LCOR: variants seen among roughly 807,000 people sequenced by gnomAD.
LCOR encodes the protein ligand dependent nuclear receptor corepressor, also known as ligand-dependent corepressor.
A neutral mutation model predicts 64.4 loss-of-function variants in LCOR; 14 were observed. The observed-to-expected ratio is 0.22, with a 90% CI of 0.14 to 0.34. The LOEUF (loss-of-function observed/expected upper bound fraction) is 0.34, where lower values mean the gene tolerates loss of function less well. LCOR is among the 10% of genes least tolerant of loss of function. LCOR has a pLI of 1.00. For missense variants in LCOR, 1,686 were observed against 1,765.3 expected (o/e 0.96, Z 0.80); for synonymous variants, 643 against 642.5 (o/e 1.00, Z -0.01).
intron 4 of LCOR, among the ~76,000 whole-genome samples, chr10:96,942,662 T>C (rs1847514783): frequency 6.6e-6 from 1 of 152,212 alleles, no homozygotes; most frequent in South Asian, 2.1e-4. Context: ...TTGGTTGTGC[T>C]TTTAACATAA....
At chr10:96,901,631 T>A (rs995431323) in intron 2 of LCOR, among the ~76,000 whole-genome samples, 1 of 152,220 alleles carries the variant, frequency 6.6e-6, no homozygotes, top group Non-Finnish European at 1.5e-5. Context: ...TTTCTTGCTC[T>A]AAAAATCCTA....
At chr10:96,930,641 C>T (rs184777493) in intron 4 of LCOR, among the ~76,000 whole-genome samples, 7 of 152,260 alleles carry the variant, frequency 4.6e-5, no homozygotes, top group Admixed American at 3.3e-4. Flanking sequence ...TGGAGAAAAG[C>T]GTAGAGTAAA....
chr10:96,953,448 G>A (rs1345253278), intron 7 of LCOR, among the ~76,000 whole-genome samples: 1 of 152,142 alleles, frequency 6.6e-6, no homozygotes, highest in African/African-American at 2.4e-5. Context: ...CTACTAAGGA[G>A]GCTGAGGTGG....
At position 96,955,838 on chromosome 10, in the gene LCOR, G is replaced by T. The variant is rs766563441; in HGVS notation, c.332+3642G>T. The stretch of plus-strand genomic sequence containing the variant: ...AGAAAAAGATGAAATTAATGAGGTC[G>T]GAGGGGCCAGATGTTTCTGTAAAGA... On this transcript the variant is annotated intron_variant, in intron 7 of 7. Coordinates refer to ENST00000421806, the MANE Select transcript of LCOR (RefSeq NM_001346516.2). 6 of 1,614,170 alleles carry T rather than the reference G, an allele frequency of 3.7e-6. No individual in the cohort carries two copies. In the South Asian group the frequency reaches 6.6e-5, roughly 18 times the overall value.
chr10:96,882,337 A>G (rs1422425430), intron 2 of LCOR, among the ~76,000 whole-genome samples: 2 of 152,240 alleles, frequency 1.3e-5, no homozygotes, highest in African/African-American at 4.8e-5. Context: ...AGGTTGTTGG[A>G]AAATATTAAA....
chr10:96,965,133 C>G (rs1043020497), intron 7 of LCOR, among the ~76,000 whole-genome samples: 12 of 151,602 alleles, frequency 7.9e-5, no homozygotes, highest in Non-Finnish European at 1.5e-4. Flanking sequence ...CTCAACCTCC[C>G]GAGTAGCTGG....
chr10:96,930,101 G>A (rs992203748), intron 4 of LCOR, among the ~76,000 whole-genome samples: 1 of 152,140 alleles, frequency 6.6e-6, no homozygotes, highest in Non-Finnish European at 1.5e-5. Flanking sequence ...ACACCAAGTG[G>A]TGTCACCATA....
At chr10:96,834,185 G>C (rs746421848) in intron 2 of LCOR, among the ~76,000 whole-genome samples, 4 of 152,184 alleles carry the variant, frequency 2.6e-5, no homozygotes, top group Non-Finnish European at 5.9e-5. Flanking sequence ...GATTTAGACT[G>C]TAACACCGAA....
intron 2 of LCOR, among the ~76,000 whole-genome samples, chr10:96,858,599 T>C (rs1845840587): frequency 6.6e-6 from 1 of 152,234 alleles, no homozygotes; most frequent in Non-Finnish European, 1.5e-5. Context: ...TTCAATATGA[T>C]TGTCACCATT....
At position 96,981,359 on chromosome 10, in the gene LCOR, A is replaced by G; in HGVS notation, c.899A>G (p.Asn300Ser). Residue 300 changes from asparagine (N) to serine (S), a missense_variant, in exon 8 of 8, where the codon AAT becomes AGT. Physicochemically the swap from Asn to Ser is conservative, Grantham distance 46. Coordinates refer to ENST00000421806, the MANE Select transcript of LCOR (RefSeq NM_001346516.2). The stretch of plus-strand genomic sequence containing the variant: ...ACCACTGGACAAGAGCAAGACACAA[A>G]TGTGAACATATGTGAGGATGGTAAA... ...GQTTGQEQDTNVNICEDGKDH... is the reference protein window; with the variant it reads ...GQTTGQEQDTSVNICEDGKDH... 1 of 1,614,022 alleles carries G rather than the reference A, an allele frequency of 6.2e-7. No individual in the cohort carries two copies. The highest frequency in any genetic ancestry group is 8.5e-7 in the Non-Finnish European group (1 of 1,180,004).
At chr10:96,890,085 A>G (rs1292140168) in intron 2 of LCOR, among the ~76,000 whole-genome samples, 1 of 151,468 alleles carries the variant, frequency 6.6e-6, no homozygotes, top group African/African-American at 2.4e-5. Context: ...TTTTCTTTGT[A>G]TGCGTGTAGT....
chr10:96,894,826 C>G (rs964362253), intron 2 of LCOR, among the ~76,000 whole-genome samples: 1 of 152,050 alleles, frequency 6.6e-6, no homozygotes, highest in Non-Finnish European at 1.5e-5. Context: ...CCTCGGATGA[C>G]ATTTGGAGTG....
At position 96,936,149 on chromosome 10, in the gene LCOR, A is replaced by G; in HGVS notation, c.-183-7964A>G. On this transcript the variant is annotated intron_variant, in intron 4 of 7. Transcript: ENST00000421806. ...GGAGCAAACCTCAAACACTGGCAACAACATGCCCCTGCAAAGGGGCCCACC... is the reference window on the plus strand; with the variant it reads ...GGAGCAAACCTCAAACACTGGCAACGACATGCCCCTGCAAAGGGGCCCACC... Among the ~76,000 whole-genome samples the G allele has an allele frequency of 1.3e-5, 2 of 152,272 alleles. 1 individual carries two copies. The highest frequency in any genetic ancestry group is 2.9e-5 in the Non-Finnish European group (2 of 68,040).
At chr10:96,907,419 C>T (rs757526376) in intron 3 of LCOR, 89 bp downstream of exon 3, 5 of 321,978 alleles carry the variant, frequency 1.6e-5, no homozygotes, top group South Asian at 2.5e-4. Context: ...TTTTTATTCA[C>T]GGTTTCATGT....
At position 96,832,413 on chromosome 10, in the gene LCOR, C is replaced by T. The variant is rs1486208798; in HGVS notation, c.-404+14C>T. 2 of 961,432 alleles carry T rather than the reference C, an allele frequency of 2.1e-6. No individual in the cohort carries two copies. The highest frequency in any genetic ancestry group is 2.5e-6 in the Non-Finnish European group (2 of 807,876). 59.6% of individuals were successfully genotyped at this position (961,432 alleles called of 1,614,324 possible). ...TTCACTGTGTAGGTGAGACCCTCCG[C>T]CGACCGCCGCCGCCCCTCCGGCCGC... On this transcript the variant is annotated intron_variant, in intron 1 of 7. Coordinates refer to ENST00000421806, the MANE Select transcript of LCOR (RefSeq NM_001346516.2).
chr10:96,916,415 G>T (rs1183209962), intron 4 of LCOR, among the ~76,000 whole-genome samples: 1 of 151,740 alleles, frequency 6.6e-6, no homozygotes, highest in South Asian at 2.1e-4. Context: ...TATTTATGTT[G>T]AATACTTTGG....
At chr10:96,969,946 ATTTTTTTTTTTTT>A (rs751045855) in intron 7 of LCOR, among the ~76,000 whole-genome samples, 1 of 67,762 alleles carries the variant, frequency 1.5e-5, no homozygotes, top group East Asian at 5.4e-4. Context: ...CACCTGGATA[ATTTTTTTTTTTTT>A]TTTTTTTTTT....
chr10:96,856,696 C>CT (rs1471149549), intron 2 of LCOR, among the ~76,000 whole-genome samples: 1 of 151,634 alleles, frequency 6.6e-6, no homozygotes, highest in African/African-American at 2.4e-5. Context: ...TGGCTGGTCT[C>CT]TAACTCCTGA....
intron 4 of LCOR, among the ~76,000 whole-genome samples, chr10:96,933,765 G>A (rs946960254): frequency 6.6e-5 from 10 of 152,078 alleles, no homozygotes; most frequent in Non-Finnish European, 1.3e-4. Context: ...TGATACACCC[G>A]CCTCAGTTTC....
Sources: gnomAD v4.1 joint callset for allele counts (sites outside exome capture counted in the v4.1 genomes callset) on GRCh38, gnomAD v4.1.1 for gene constraint, MANE v1.5 for transcripts, NCBI Gene and HGNC (gene_info 2026-07-23, HGNC 2026-07-21) for gene names.